Variants in NPC1 observed in about 807,000 individuals in gnomAD.
NPC1 encodes NPC intracellular cholesterol transporter 1.
Under a neutral mutation model 140.4 loss-of-function variants are expected in NPC1, and 85 were observed. The ratio of observed to expected loss-of-function variants is 0.61; its 90% CI spans 0.51 to 0.72. The LOEUF (loss-of-function observed/expected upper bound fraction) is 0.72, where lower values mean the gene tolerates loss of function less well. Among genes scored for constraint, NPC1 ranks in the 30% least tolerant of loss-of-function variants. The pLI, the probability that NPC1 is intolerant of heterozygous loss-of-function variation, is 0.00. For synonymous variants in NPC1, 656 were observed against 624.8 expected, an observed-to-expected ratio of 1.05 and a Z score of -0.74; for missense variants, 1,504 against 1,623.8, an observed-to-expected ratio of 0.93 and a Z score of 1.27.
chr18:23,565,504 C>T (rs1598995449), intron 4 of NPC1, among the ~76,000 whole-genome samples: 1 of 152,064 alleles, frequency 6.6e-6, no homozygotes, highest in South Asian at 2.1e-4. Context: ...TACAAGCGAG[C>T]GCCACCACGC....
chr18:23,551,111 T>G (rs1207589249), intron 10 of NPC1, among the ~76,000 whole-genome samples: 1 of 152,208 alleles, frequency 6.6e-6, no homozygotes, highest in Admixed American at 6.5e-5. Flanking sequence ...CAATTGGTTC[T>G]AAAGTGCTAC....
At chr18:23,538,798 G>A (rs1304246764) in intron 19 of NPC1, 127 bp from the exon 20 acceptor site, 1 of 985,952 alleles carries the variant, frequency 1.0e-6, no homozygotes, top group Non-Finnish European at 1.6e-6. Context: ...TACTAGTGAG[G>A]GATAATCTTT....
chr18:23,563,958 G>A (rs1175642970), intron 4 of NPC1, among the ~76,000 whole-genome samples: 1 of 142,910 alleles, frequency 7.0e-6, no homozygotes, highest in Non-Finnish European at 1.5e-5. Context: ...TTTTAAATTG[G>A]GTTATTTATT....
downstream of NPC1, chr18:23,530,000 TTC>T: frequency 6.3e-7 from 1 of 1,574,984 alleles, no homozygotes; most frequent in Non-Finnish European, 8.7e-7. Flanking sequence ...TTTGGAAGTG[TTC>T]TTTCACTTTT....
chr18:23,584,350 A>C (rs2059390509), intron 1 of NPC1, among the ~76,000 whole-genome samples: 1 of 152,174 alleles, frequency 6.6e-6, no homozygotes, highest in Non-Finnish European at 1.5e-5. Flanking sequence ...GCTCCACCCC[A>C]ATCTGTTCAG....
downstream of NPC1, chr18:23,524,321 C>T (rs1053868734): frequency 5.6e-5 from 83 of 1,492,724 alleles, no homozygotes; most frequent in East Asian, 1.7e-3. Context: ...AGGGGCCTCG[C>T]GTTTAGCGTG....
chr18:23,540,149 T>TC (rs1567950601), intron 17 of NPC1, 148 bp from the exon 18 acceptor site: 1 of 749,762 alleles, frequency 1.3e-6, no homozygotes, highest in African/African-American at 1.7e-5. Context: ...CCACCAGTCT[T>TC]CCCCCCAGGG....
downstream of NPC1, chr18:23,529,979 T>C (rs2058440322): frequency 2.0e-6 from 3 of 1,507,080 alleles, no homozygotes; most frequent in Admixed American, 3.4e-5. Context: ...TAGTCTGTTG[T>C]AGCTGAATGA....
In NPC1 at chr18:23,533,278, A is replaced by T. The variant is rs2058568220; in HGVS notation, c.3754+77T>A. 2.2e-6 allele frequency: 3 copies of T among 1,386,328 alleles called. No individual in the cohort carries two copies. In the East Asian group the frequency reaches 6.9e-5, roughly 32 times the overall value. 85.9% of individuals were successfully genotyped at this position (1,386,328 alleles called of 1,614,324 possible). ...CATTAGTATGAGTTCAAATACTTGA[A>T]AAGAATGCCTCAGGATAGAATTCCC... is the stretch of plus-strand genomic sequence containing the variant. On this transcript the variant is annotated intron_variant, in intron 24 of 24. Transcript: ENST00000269228.
In NPC1 at chr18:23,551,463, G is replaced by A. The variant is rs539197919; in HGVS notation, c.1654+164C>T. 9.5e-5 allele frequency: 67 copies of A among 708,610 alleles called. 1 individual carries two copies. In the South Asian group the frequency reaches 1.0e-3, roughly 11 times the overall value. 43.9% of individuals were successfully genotyped at this position (708,610 alleles called of 1,614,324 possible). ...AATCCACTTCTTTTAAATCTGGAAT[G>A]AAACCCAAACCCAAAGCCAAAGGAG... On this transcript the variant is annotated intron_variant, in intron 10 of 24. Coordinates refer to ENST00000269228, the MANE Select transcript of NPC1 (RefSeq NM_000271.5).
At chr18:23,577,687 C>G (rs1215511756) in intron 1 of NPC1, among the ~76,000 whole-genome samples, 1 of 152,174 alleles carries the variant, frequency 6.6e-6, no homozygotes, top group Non-Finnish European at 1.5e-5. Context: ...GGGGGTGGCG[C>G]TCGTCGGGGA....
In NPC1 at chr18:23,539,434, G is replaced by A. The variant is rs780019300; in HGVS notation, c.2832C>T (p.Asp944=). The A allele has an allele frequency of 3.0e-5, 48 of 1,613,678 alleles. 1 individual carries two copies. The highest frequency in any genetic ancestry group is 2.1e-4 in the South Asian group (19 of 90,886). Residue 944 remains aspartate, a synonymous_variant, in exon 19 of 25, where the codon GAC becomes GAT. Transcript: ENST00000269228. ...RIGFAPSSWI[D]DYFDWVKPQS... Reference sequence around the variant, plus strand: ...GTGGCTTCACCCAGTCGAAATAATCGTCGATCCAGGACGAGGGGGCGAAGC... The same window carrying A: ...GTGGCTTCACCCAGTCGAAATAATCATCGATCCAGGACGAGGGGGCGAAGC...
At chr18:23,550,084 T>C (rs1429034208) in intron 10 of NPC1, among the ~76,000 whole-genome samples, 5 of 151,842 alleles carry the variant, frequency 3.3e-5, no homozygotes, top group African/African-American at 1.2e-4. Flanking sequence ...GCAATCTCGC[T>C]TACTGCAGCC....
At chr18:23,521,133 G>T (rs944891100), downstream of NPC1, among the ~76,000 whole-genome samples, 1 of 152,190 alleles carries the variant, frequency 6.6e-6, no homozygotes. Flanking sequence ...AGGATTACAA[G>T]TGTGAGCCAC....
chr18:23,540,057 C>T, intron 17 of NPC1, 56 bp from the exon 18 acceptor site: 1 of 1,476,696 alleles, frequency 6.8e-7, no homozygotes, highest in Non-Finnish European at 9.4e-7. Flanking sequence ...AGTAACTAAG[C>T]AAGGCGAGGA....
rs534740156 is a variant in NPC1, at chr18:23,513,846, C to T, written c.432-7204G>A. ...ATCATCTTTGGAGAAATGACTAATT[C>T]GGGTCATTGTGCCTATTTTTAAAAT... On this transcript the variant is annotated intron_variant, in intron 3 of 3. Transcript: ENST00000591107. Among the ~76,000 whole-genome samples the T allele has an allele frequency of 7.2e-5, 11 of 152,260 alleles. No individual in the cohort carries two copies. In the South Asian group the frequency reaches 1.5e-3, roughly 20 times the overall value.
chr18:23,558,672 T>G (rs966654668), intron 6 of NPC1, among the ~76,000 whole-genome samples: 1 of 152,134 alleles, frequency 6.6e-6, no homozygotes, highest in Non-Finnish European at 1.5e-5. Context: ...CTAATAATAA[T>G]GTAATAATAA....
At chr18:23,519,003 C>T (rs74383409), downstream of NPC1, 5 of 1,612,424 alleles carry the variant, frequency 3.1e-6, no homozygotes, top group Admixed American at 5.0e-5. Flanking sequence ...TTTGTTTTCC[C>T]TCTCTCTCTG....
At chr18:23,574,638 T>C (rs2059249422) in intron 1 of NPC1, among the ~76,000 whole-genome samples, 1 of 152,172 alleles carries the variant, frequency 6.6e-6, no homozygotes, top group Admixed American at 6.5e-5. Flanking sequence ...TTTGTATGTG[T>C]GGGGAAATCC....
Sources: gnomAD v4.1 joint callset for allele counts (sites outside exome capture counted in the v4.1 genomes callset) on GRCh38, gnomAD v4.1.1 for gene constraint, MANE v1.5 for transcripts, NCBI Gene and HGNC (gene_info 2026-07-23, HGNC 2026-07-21) for gene names.